RUFY2: variants seen among roughly 807,000 people sequenced by gnomAD.
The protein encoded by RUFY2 is RUN and FYVE domain-containing protein 2.
In RUFY2, 49 loss-of-function variants were observed where a neutral mutation model predicts 94.4. The observed-to-expected ratio is 0.52, with a 90% CI of 0.41 to 0.66. RUFY2 has a LOEUF of 0.66. Among genes scored for constraint, RUFY2 ranks in the 30% least tolerant of loss-of-function variants. The pLI, the probability that RUFY2 is intolerant of heterozygous loss-of-function variation, is 0.00. For missense variants in RUFY2, 541 were observed against 692.8 expected (o/e 0.78, Z 2.46); for synonymous variants, 255 against 235.7 (o/e 1.08, Z -0.75).
rs58358117 is a variant in RUFY2, at chr10:68,376,489, T to TATATATATATATATATATATTC, written c.1325+363_1325+364insGAATATATATATATATATATAT. On this transcript the variant is annotated intron_variant, in intron 13 of 17. Coordinates refer to ENST00000602465, the MANE Select transcript of RUFY2 (RefSeq NM_001330103.2). ...ATATATATATATATATATATATATATATTCTCAGAAAACAGCATGTCCTTT... is the reference window on the plus strand; with the variant it reads ...ATATATATATATATATATATATATATATATATATATATATATATATTCATTCTCAGAAAACAGCATGTCCTTT... Among the ~76,000 whole-genome samples, 71 of 51,834 alleles carry TATATATATATATATATATATTC rather than the reference T, an allele frequency of 1.4e-3. 23 individuals are homozygous for TATATATATATATATATATATTC. The highest frequency in any genetic ancestry group is 4.1e-3 in the South Asian group (6 of 1,476). The allele number at this position is 51,834 out of a possible 152,430, so 34.0% of individuals were successfully genotyped here.
chr10:68,378,180 T>C (rs1009758994), intron 12 of RUFY2: 6 of 990,082 alleles, frequency 6.1e-6, no homozygotes, highest in Non-Finnish European at 7.2e-6. Context: ...AAGGGAGCCA[T>C]TGGGCAAAGA....
chr10:68,376,489 T>TATATATATATATATTC (rs58358117), intron 13 of RUFY2, among the ~76,000 whole-genome samples: 1,028 of 51,788 alleles, frequency 0.02, 345 homozygotes, highest in Non-Finnish European at 0.029. Flanking sequence ...TATATATATA[T>TATATATATATATATTC]ATTCTCAGAA....
intron 11 of RUFY2, 50 bp from the exon 12 acceptor site, chr10:68,379,571 T>TTGTG (rs373005572): frequency 5.0e-5 from 61 of 1,208,336 alleles, no homozygotes; most frequent in South Asian, 9.0e-5. Context: ...GTGTGTGTGT[T>TTGTG]TGTGTGTGTG....
intron 4 of RUFY2, among the ~76,000 whole-genome samples, chr10:68,395,239 G>A (rs35895175): frequency 0.037 from 5,689 of 152,026 alleles, 125 homozygotes; most frequent in Non-Finnish European, 0.048. Context: ...TCGGGAGGCT[G>A]AGACAGGAGA....
intron 3 of RUFY2, among the ~76,000 whole-genome samples, chr10:68,400,826 C>T (rs2050780368): frequency 1.3e-5 from 2 of 151,904 alleles, no homozygotes; most frequent in East Asian, 3.9e-4. Context: ...TTCTAGCTAA[C>T]ATGGTGAAAC....
rs373664410 is a variant in RUFY2, at chr10:68,345,807, A to G, written c.1782T>C (p.His594=). ...PKPVRVCDSC[H]ALLIQRCSSN... ...ATGAGCATCTCTGAATGAGCAGTGC[A>G]TGACAGGAATCACAAACCCGTACTG... The change falls in exon 18 of 18, where the codon CAT becomes CAC. Residue 594 remains histidine, a synonymous_variant. Coordinates refer to ENST00000602465, the MANE Select transcript of RUFY2 (RefSeq NM_001330103.2). 3.8e-5 allele frequency: 61 copies of G among 1,613,926 alleles called. No individual in the cohort carries two copies. The highest frequency in any genetic ancestry group is 4.7e-5 in the Non-Finnish European group (56 of 1,179,892).
In RUFY2 at chr10:68,383,784, T is replaced by C. The variant is rs1564827564; in HGVS notation, c.939+14A>G. 1 of 1,551,716 alleles carries C rather than the reference T, an allele frequency of 6.4e-7. No homozygotes were observed. Among genetic ancestry groups the C allele is most frequent in the Non-Finnish European group, 8.9e-7 (1 of 1,124,032 alleles). On this transcript the variant is annotated intron_variant, in intron 10 of 17. Transcript: ENST00000602465. ...CAGGATGATCTTGCTAATGTAATTT[T>C]TAATATAACCTACCTGTCGTAACTG...
chr10:68,381,325 T>C lies in RUFY2; in HGVS notation c.1014A>G (p.Lys338=). ...GAGTATCTTGTTTCTCATGGATATC[T>C]TTCTCCAGCAACTTCATGGCAAGTT... The part of the protein sequence containing the change: ...EIELAMKLLE[K]DIHEKQDTLI... Residue 338 remains lysine (K), a synonymous_variant, in exon 11 of 18, where the codon AAA becomes AAG. Transcript: ENST00000602465. 2 of 1,614,066 alleles carry C rather than the reference T, an allele frequency of 1.2e-6. No individual in the cohort carries two copies. The highest frequency in any genetic ancestry group is 1.7e-6 in the Non-Finnish European group (2 of 1,179,954).
intron 15 of RUFY2, 101 bp from the exon 16 acceptor site, chr10:68,355,502 T>C (rs1210399139): frequency 4.4e-6 from 3 of 675,954 alleles, no homozygotes; most frequent in South Asian, 2.0e-5. Context: ...TATAAAATTA[T>C]GTATAGTATA....
downstream of RUFY2, chr10:68,342,088 A>G (rs1021270728): frequency 1.3e-5 from 20 of 1,491,762 alleles, no homozygotes; most frequent in Non-Finnish European, 1.8e-5. Flanking sequence ...TCTTGACAAC[A>G]GCATCTGGTC....
chr10:68,375,497 G>T (rs111787043), intron 13 of RUFY2, among the ~76,000 whole-genome samples: 1 of 151,968 alleles, frequency 6.6e-6, no homozygotes, highest in Non-Finnish European at 1.5e-5. Flanking sequence ...ACAATTGGCC[G>T]GGTGTGGTGG....
At chr10:68,351,445 C>CTTTT (rs71009049) in intron 16 of RUFY2, among the ~76,000 whole-genome samples, 3 of 63,376 alleles carry the variant, frequency 4.7e-5, no homozygotes, top group Non-Finnish European at 8.8e-5. Flanking sequence ...CTCCACCCAT[C>CTTTT]TTTTTTTTTT....
intron 7 of RUFY2, among the ~76,000 whole-genome samples, chr10:68,388,355 C>T (rs532652556): frequency 1.4e-3 from 207 of 151,928 alleles, no homozygotes; most frequent in Middle Eastern, 3.4e-3. Flanking sequence ...CCCAGCTACT[C>T]GGAAGGCTGA....
At chr10:68,388,678 T>G (rs1026140921) in intron 7 of RUFY2, among the ~76,000 whole-genome samples, 1 of 149,536 alleles carries the variant, frequency 6.7e-6, no homozygotes, top group African/African-American at 2.5e-5. Flanking sequence ...CTATGAAAAA[T>G]AAAAAAAATT....
intron 12 of RUFY2, chr10:68,378,798 T>G: frequency 3.2e-6 from 2 of 634,018 alleles, no homozygotes; most frequent in Non-Finnish European, 5.4e-6. Context: ...AGAATATTCA[T>G]GTCAATAAAG....
chr10:68,346,126 AAAATT>A, intron 16 of RUFY2, 42 bp from the exon 17 acceptor site: 1 of 1,477,018 alleles, frequency 6.8e-7, no homozygotes, highest in Middle Eastern at 1.8e-4. Flanking sequence ...GGTAACACTA[AAAATT>A]AAATGTGAAA....
At chr10:68,407,087 G>C (rs569575423) in intron 1 of RUFY2, 99 bp downstream of exon 1, 1 of 1,498,864 alleles carries the variant, frequency 6.7e-7, no homozygotes, top group Non-Finnish European at 8.8e-7. Context: ...CCGACTGGCG[G>C]CCTCGGCGTC....
chr10:68,393,344 T>A (rs894629450), intron 6 of RUFY2, 141 bp from the exon 7 acceptor site: 1 of 531,258 alleles, frequency 1.9e-6, no homozygotes. Flanking sequence ...AGAATAATAG[T>A]AAACTGTGTA....
intron 2 of RUFY2, 29 bp downstream of exon 2, chr10:68,404,642 T>G: frequency 6.8e-7 from 1 of 1,468,342 alleles, no homozygotes; most frequent in Non-Finnish European, 9.1e-7. Context: ...AATTCTAAAA[T>G]GAATTAATTT....
Sources: allele counts gnomAD v4.1 joint callset (sites outside exome capture counted in the v4.1 genomes callset), GRCh38; gene constraint gnomAD v4.1.1; transcripts MANE v1.5; gene names NCBI Gene and HGNC (gene_info 2026-07-23, HGNC 2026-07-21).